Variants in CYP3A43 observed in about 807,000 individuals in gnomAD.
The protein encoded by CYP3A43 is cytochrome P450 3A43.
In CYP3A43, 45 loss-of-function variants were observed where a neutral mutation model predicts 58.0. The ratio of observed to expected loss-of-function variants is 0.78; its 90% CI spans 0.61 to 0.99. CYP3A43 has a LOEUF of 0.99. Among genes scored for constraint, CYP3A43 ranks in the 50% least tolerant of loss-of-function variants. The pLI is 0.00. For missense variants in CYP3A43, 593 were observed against 591.9 expected (o/e 1.00, Z -0.02); for synonymous variants, 191 against 201.4 (o/e 0.95, Z 0.44).
chr7:99,828,961 C>T (rs1816732185), intron 1 of CYP3A43, among the ~76,000 whole-genome samples: 1 of 152,212 alleles, frequency 6.6e-6, no homozygotes, highest in African/African-American at 2.4e-5. Flanking sequence ...GAGACTTTAT[C>T]TCCACAATAA....
chr7:99,835,385 C>T (rs1325937016), intron 1 of CYP3A43, among the ~76,000 whole-genome samples: 1 of 152,112 alleles, frequency 6.6e-6, no homozygotes, highest in Non-Finnish European at 1.5e-5. Context: ...ATAAGCCTCT[C>T]GTGTCAAACC....
intron 7 of CYP3A43, among the ~76,000 whole-genome samples, chr7:99,855,091 G>A (rs146234697): frequency 1.4e-4 from 21 of 152,156 alleles, no homozygotes; most frequent in African/African-American, 5.1e-4. Context: ...TGTTGGTCAG[G>A]CTGGTCTCAA....
chr7:99,856,604 A>G (rs1236719685), intron 8 of CYP3A43, among the ~76,000 whole-genome samples: 1 of 152,218 alleles, frequency 6.6e-6, no homozygotes, highest in Admixed American at 6.5e-5. Flanking sequence ...AGCAAAGACT[A>G]AAAAGCAGAT....
At chr7:99,842,421 A>G (rs1328765610) in intron 3 of CYP3A43, among the ~76,000 whole-genome samples, 1 of 152,188 alleles carries the variant, frequency 6.6e-6, no homozygotes, top group Non-Finnish European at 1.5e-5. Flanking sequence ...TTGCTTATTA[A>G]TATCCTTTTC....
At position 99,833,326 on chromosome 7, in the gene CYP3A43, G is replaced by A. The variant is rs193004129; in HGVS notation, c.72-3127G>A. 3.7e-4 allele frequency among the ~76,000 whole-genome samples: 56 copies of A among 152,142 alleles called. No individual in the cohort carries two copies. In the East Asian group the frequency reaches 0.01, roughly 28 times the overall value. Reference sequence around the variant, plus strand: ...TTACCTTTTAAGCATTTCGTGGGAGGGGGGAGATCTGTGGAGAGGGAAGCA... The same window carrying A: ...TTACCTTTTAAGCATTTCGTGGGAGAGGGGAGATCTGTGGAGAGGGAAGCA... On this transcript the variant is annotated intron_variant, in intron 1 of 12. Coordinates refer to ENST00000354829, the MANE Select transcript of CYP3A43 (RefSeq NM_057095.3).
chr7:99,859,878 C>T lies in CYP3A43; in HGVS notation c.914C>T (p.Ala305Val). 1 of 1,614,158 alleles carries T rather than the reference C, an allele frequency of 6.2e-7. No homozygotes were observed. The highest frequency in any genetic ancestry group is 8.5e-7 in the Non-Finnish European group (1 of 1,180,028). The change falls in exon 10 of 13, where the codon GCT (alanine) becomes GTT (valine). Residue 305 changes from alanine to valine, a missense_variant. Coordinates refer to ENST00000354829, the MANE Select transcript of CYP3A43 (RefSeq NM_057095.3). ...LVAQSIIIIFAAYDTTSTTLP... is the reference protein window; with the variant it reads ...LVAQSIIIIFVAYDTTSTTLP... ...GCCCAGTCAATTATCATCATTTTTG[C>T]TGCCTATGACACAACTAGCACCACT...
intron 4 of CYP3A43, among the ~76,000 whole-genome samples, chr7:99,845,601 C>T (rs191477588): frequency 1.1e-3 from 161 of 152,156 alleles, no homozygotes; most frequent in African/African-American, 3.5e-3. Flanking sequence ...AGATTACAGA[C>T]GTGAGCCACC....
chr7:99,846,294 G>A (rs2151605303), intron 4 of CYP3A43, among the ~76,000 whole-genome samples: 1 of 152,188 alleles, frequency 6.6e-6, no homozygotes, highest in African/African-American at 2.4e-5. Context: ...TTTTAGCATA[G>A]AGATCCTGTA....
chr7:99,859,841 C>G lies in CYP3A43; in HGVS notation c.877C>G (p.Leu293Val). Residue 293 changes from leucine to valine, a missense_variant, in exon 10 of 13, where the codon CTG (leucine) becomes GTG (valine). Transcript: ENST00000354829. ...TCCTCTCCTTTCAGCTCTGTCTGATCTGGAGCTTGTGGCCCAGTCAATTAT... is the reference window on the plus strand; with the variant it reads ...TCCTCTCCTTTCAGCTCTGTCTGATGTGGAGCTTGTGGCCCAGTCAATTAT... ...ETKSHKALSD[L>V]ELVAQSIIII... is the part of the protein sequence containing the mutation. The G allele has an allele frequency of 1.2e-6, 2 of 1,614,154 alleles. No homozygotes were observed. Among genetic ancestry groups the G allele is most frequent in the Non-Finnish European group, 8.5e-7 (1 of 1,180,020 alleles).
chr7:99,856,172 C>T (rs1235823568), intron 8 of CYP3A43, among the ~76,000 whole-genome samples: 1 of 152,196 alleles, frequency 6.6e-6, no homozygotes, highest in African/African-American at 2.4e-5. Context: ...CCCTACCAGG[C>T]TACCTGCAGA....
At chr7:99,854,493 C>T (rs1817896617) in intron 7 of CYP3A43, among the ~76,000 whole-genome samples, 1 of 152,098 alleles carries the variant, frequency 6.6e-6, no homozygotes, top group Non-Finnish European at 1.5e-5. Flanking sequence ...GCGTGAGCCA[C>T]CGCGCCCGGC....
At chr7:99,863,758 C>G in intron 12 of CYP3A43, 59 bp downstream of exon 12, 1 of 1,338,112 alleles carries the variant, frequency 7.5e-7, no homozygotes, top group Non-Finnish European at 1.0e-6. Flanking sequence ...GAGAAGTCTA[C>G]ATTTTTTAAA....
chr7:99,857,510 T>TA (rs1818030364), intron 9 of CYP3A43, among the ~76,000 whole-genome samples: 1 of 152,106 alleles, frequency 6.6e-6, no homozygotes, highest in Non-Finnish European at 1.5e-5. Context: ...TTGACAACCA[T>TA]ATGACATAAT....
chr7:99,862,866 T>C (rs565829641), intron 11 of CYP3A43, among the ~76,000 whole-genome samples: 7 of 152,190 alleles, frequency 4.6e-5, no homozygotes, highest in Non-Finnish European at 1.0e-4. Flanking sequence ...AGAGGACTTC[T>C]GTGTTTCCTC....
intron 5 of CYP3A43, chr7:99,847,889 A>G: frequency 3.8e-6 from 2 of 519,652 alleles, no homozygotes; most frequent in Non-Finnish European, 6.9e-6. Flanking sequence ...GCGGATGCCT[A>G]TAATCCTAGC....
chr7:99,841,991 G>A (rs1213343635), intron 3 of CYP3A43, among the ~76,000 whole-genome samples: 3 of 152,134 alleles, frequency 2.0e-5, no homozygotes, highest in Non-Finnish European at 4.4e-5. Context: ...TACTTCATTA[G>A]AAATTCTAAT....
chr7:99,852,995 T>C (rs1316759279), intron 7 of CYP3A43, among the ~76,000 whole-genome samples: 1 of 152,232 alleles, frequency 6.6e-6, no homozygotes, highest in East Asian at 1.9e-4. Context: ...TTGATCCAGT[T>C]TGCTAGTATT....
chr7:99,839,879 CAT>C (rs1278478105), intron 3 of CYP3A43, among the ~76,000 whole-genome samples: 6 of 152,178 alleles, frequency 3.9e-5, no homozygotes, highest in African/African-American at 1.4e-4. Flanking sequence ...GTTTGCATAA[CAT>C]GTGAAGAAGT....
intron 1 of CYP3A43, among the ~76,000 whole-genome samples, chr7:99,829,546 G>C (rs1026762930): frequency 6.6e-6 from 1 of 152,178 alleles, no homozygotes; most frequent in Admixed American, 6.5e-5. Flanking sequence ...TTTCAGATCT[G>C]GCCCTAAGGA....
Sources: gnomAD v4.1 joint callset for allele counts (sites outside exome capture counted in the v4.1 genomes callset) on GRCh38, gnomAD v4.1.1 for gene constraint, MANE v1.5 for transcripts, NCBI Gene and HGNC (gene_info 2026-07-23, HGNC 2026-07-21) for gene names.